The following TTC21B variants were observed in gnomAD, a reference collection of about 807,000 sequenced individuals.
TTC21B encodes the protein tetratricopeptide repeat protein 21B.
TTC21B carries 127 observed loss-of-function variants against 175.1 expected under a neutral mutation model. That is an observed-to-expected ratio of 0.73 (90% CI 0.63 to 0.84). The LOEUF is 0.84. TTC21B is among the 40% of genes least tolerant of loss of function. TTC21B has a pLI of 0.00. For missense variants in TTC21B, 1,561 were observed against 1,558.3 expected (o/e 1.00, Z -0.03); for synonymous variants, 524 against 524.5 (o/e 1.00, Z 0.01).
At position 165,880,693 on chromosome 2, in the gene TTC21B, G is replaced by A. The variant is rs569067100; in HGVS notation, c.3791C>T (p.Thr1264Ile). 3.1e-6 allele frequency: 5 copies of A among 1,613,514 alleles called. No homozygotes were observed. The African/African-American group carries it at 5.3e-5, about 17-fold the overall frequency. ...GCCAAACTCACCTACTGCCGGATTT[G>A]TCCGATTGCTATATTTCCATGCCAT... is the stretch of plus-strand genomic sequence containing the variant. ...YEMAWKYSNR[T>I]NPAVGYKLAF... Residue 1264 changes from threonine to isoleucine, a missense_variant, in exon 27 of 29, where the codon ACA becomes ATA. Thr to Ile is a moderately conservative substitution (Grantham distance 89, BLOSUM62 -1). Transcript: ENST00000243344.
rs745845705 is a variant in TTC21B, at chr2:165,931,778, T to C, written c.874A>G (p.Thr292Ala). ...PQNAQLFYNI[T>A]LAFSRTCGRS... ...CTCACAGTTCTGCTGAAGGCGAGTGTAATGTTATAGAAAAGTTGAGCATTC... is the reference window on the plus strand; with the variant it reads ...CTCACAGTTCTGCTGAAGGCGAGTGCAATGTTATAGAAAAGTTGAGCATTC... The change falls in exon 8 of 29, where the codon ACA becomes GCA. Residue 292 changes from threonine (T) to alanine (A), a missense_variant. Transcript: ENST00000243344. 2.5e-6 allele frequency: 4 copies of C among 1,613,470 alleles called. No individual in the cohort carries two copies. Among genetic ancestry groups the C allele is most frequent in the Non-Finnish European group, 3.4e-6 (4 of 1,179,462 alleles).
At chr2:165,951,755 G>GA (rs1687769623) in intron 1 of TTC21B, among the ~76,000 whole-genome samples, 1 of 152,108 alleles carries the variant, frequency 6.6e-6, no homozygotes, top group Admixed American at 6.5e-5. Flanking sequence ...TGTCCCCCCG[G>GA]AAAACCTACA....
At position 165,880,558 on chromosome 2, in the gene TTC21B, T is replaced by C. The variant is rs113265980; in HGVS notation, c.3805+121A>G. 1.1e-4 allele frequency: 110 copies of C among 1,046,106 alleles called. No homozygotes were observed. The African/African-American group carries it at 1.5e-3, about 14-fold the overall frequency. The allele number at this position is 1,046,106 out of a possible 1,614,324, so 64.8% of individuals were successfully genotyped here. On this transcript the variant is annotated intron_variant, in intron 27 of 28. Transcript: ENST00000243344. ...AAAATTTATTCTCCTTTCAGAAAGG[T>C]TGACAATGAAAATTGACTCAATGTT...
chr2:165,926,257 T>C (rs1390301898), intron 11 of TTC21B, among the ~76,000 whole-genome samples: 1 of 152,220 alleles, frequency 6.6e-6, no homozygotes, highest in African/African-American at 2.4e-5. Context: ...TGATTTCTTG[T>C]TCTATCTACA....
At chr2:165,880,922 C>G in intron 26 of TTC21B, 123 bp from the exon 27 acceptor site, 1 of 1,106,098 alleles carries the variant, frequency 9.0e-7, no homozygotes, top group Non-Finnish European at 1.3e-6. Context: ...CAATGGTTTT[C>G]AACCTTGGCT....
Position 165,924,547 on chromosome 2 carries a change from A to G in TTC21B, c.1516+2T>C, listed in dbSNP as rs748598334. ...GTTAAAAGTTTTTAAGGTATACTCT[A>G]CCTGACAAATATTTCACTTTTGCTA... On this transcript the variant is annotated splice_donor_variant, in intron 12 of 28. Coordinates refer to ENST00000243344, the MANE Select transcript of TTC21B (RefSeq NM_024753.5). LOFTEE classifies it high-confidence loss of function. The G allele has an allele frequency of 5.0e-6, 8 of 1,613,086 alleles. No individual in the cohort carries two copies. The highest frequency in any genetic ancestry group is 6.8e-6 in the Non-Finnish European group (8 of 1,179,412).
At chr2:165,916,610 G>A (rs997474627) in intron 14 of TTC21B, among the ~76,000 whole-genome samples, 2 of 152,112 alleles carry the variant, frequency 1.3e-5, no homozygotes, top group Admixed American at 1.3e-4. Context: ...GTGCATAAAT[G>A]TGTGTTTGTG....
At chr2:165,917,069 G>C (rs1686202062) in intron 14 of TTC21B, among the ~76,000 whole-genome samples, 188 bp downstream of exon 14, 1 of 152,210 alleles carries the variant, frequency 6.6e-6, no homozygotes. Context: ...AGTAGAGACA[G>C]GGTTTCACCA....
At chr2:165,937,751 A>G (rs1184750527) in intron 6 of TTC21B, among the ~76,000 whole-genome samples, 1 of 149,750 alleles carries the variant, frequency 6.7e-6, no homozygotes, top group East Asian at 2.0e-4. Context: ...ATATATACAT[A>G]TTTTTAAAAT....
intron 19 of TTC21B, among the ~76,000 whole-genome samples, chr2:165,905,427 C>G (rs1685693920): frequency 6.6e-6 from 1 of 151,838 alleles, no homozygotes; most frequent in Admixed American, 6.6e-5. Flanking sequence ...AACATAAGGA[C>G]ACGTAAAATT....
chr2:165,914,180 TAA>T (rs1261824493), intron 15 of TTC21B, among the ~76,000 whole-genome samples: 1 of 152,218 alleles, frequency 6.6e-6, no homozygotes, highest in Non-Finnish European at 1.5e-5. Context: ...AATGTGGTGT[TAA>T]GTCTTTAACA....
chr2:165,904,491 T>G (rs1685665537), intron 19 of TTC21B, among the ~76,000 whole-genome samples: 1 of 152,176 alleles, frequency 6.6e-6, no homozygotes, highest in South Asian at 2.1e-4. Context: ...CCCTGTCAGT[T>G]AAATCTCAAA....
chr2:165,878,226 T>G (rs1045127497), intron 27 of TTC21B, among the ~76,000 whole-genome samples: 10 of 152,182 alleles, frequency 6.6e-5, no homozygotes. Flanking sequence ...TGGAAGAAAC[T>G]TGATACATGA....
intron 3 of TTC21B, 93 bp downstream of exon 3, chr2:165,949,301 A>T: frequency 1.1e-6 from 1 of 907,064 alleles, no homozygotes; most frequent in Non-Finnish European, 1.9e-6. Flanking sequence ...TACATAATAT[A>T]GTGTGATCAG....
In TTC21B at chr2:165,924,664, C is replaced by T; in HGVS notation, c.1401G>A (p.Gly467=). The change falls in exon 12 of 29, where the codon GGG becomes GGA. Residue 467 remains glycine (G), a synonymous_variant. Transcript: ENST00000243344. ...SFCPMQPASP[G]QPLCPLLRRC... Reference sequence around the variant, plus strand: ...GCCTGAGAAGTGGACAAAGAGGTTGCCCAGGACTTGCAGGCTAAACAAAAC... The same window carrying T: ...GCCTGAGAAGTGGACAAAGAGGTTGTCCAGGACTTGCAGGCTAAACAAAAC... 6.2e-7 allele frequency: 1 copy of T among 1,613,452 alleles called. No homozygotes were observed. Among genetic ancestry groups the T allele is most frequent in the East Asian group, 2.2e-5 (1 of 44,790 alleles).
At chr2:165,922,632 G>C (rs965201285) in intron 12 of TTC21B, among the ~76,000 whole-genome samples, 2 of 148,276 alleles carry the variant, frequency 1.3e-5, no homozygotes, top group African/African-American at 2.5e-5. Context: ...TACATTGCTA[G>C]TGAGAATGTA....
chr2:165,885,698 C>G (rs1684978965), intron 25 of TTC21B, among the ~76,000 whole-genome samples: 1 of 152,218 alleles, frequency 6.6e-6, no homozygotes, highest in Admixed American at 6.5e-5. Context: ...AATAACCTCT[C>G]TTACACTTTG....
chr2:165,931,862 AC>A lies in TTC21B; in HGVS notation c.796-7del, dbSNP rs1686922129. 1 of 1,586,826 alleles carries A rather than the reference AC, an allele frequency of 6.3e-7. No homozygotes were observed. The highest frequency in any genetic ancestry group is 1.3e-5 in the African/African-American group (1 of 74,400). On this transcript the variant is annotated splice_polypyrimidine_tract_variant and splice_region_variant and intron_variant, in intron 7 of 28. Transcript: ENST00000243344. ...TTTTCCAGCTTGGTGGAAGCCTAAA[AC>A]AAAAGGAACTGGTATTAACTTAAAA... is the stretch of plus-strand genomic sequence containing the variant.
In TTC21B at chr2:165,901,848, AG is replaced by A. The variant is rs1481172152; in HGVS notation, c.2630del (p.Pro877LeufsTer6). On this transcript the variant is annotated frameshift_variant, in exon 20 of 29. Coordinates refer to ENST00000243344, the MANE Select transcript of TTC21B (RefSeq NM_024753.5). LOFTEE classifies it high-confidence loss of function. ...TTTCAGCTGCTAAATGTTTCTGTGC[AG>A]GAACTGCATCTGGCTGTTCCATCTG... ...RVQMEQPDAV[P>X]AQKHLAAEIC... 2 of 1,613,994 alleles carry A rather than the reference AG, an allele frequency of 1.2e-6. No individual in the cohort carries two copies. Among genetic ancestry groups the A allele is most frequent in the Non-Finnish European group, 1.7e-6 (2 of 1,180,006 alleles).
Sources: allele counts gnomAD v4.1 joint callset (sites outside exome capture counted in the v4.1 genomes callset), GRCh38; gene constraint gnomAD v4.1.1; transcripts MANE v1.5; gene names NCBI Gene and HGNC (gene_info 2026-07-23, HGNC 2026-07-21).